TRABD2B: variants seen among roughly 807,000 people sequenced by gnomAD.
TRABD2B encodes metalloprotease TIKI2.
In TRABD2B, 14 loss-of-function variants were observed where a neutral mutation model predicts 40.1. That is an observed-to-expected ratio of 0.35 (90% CI 0.23 to 0.55). The LOEUF is 0.55. Ranked by LOEUF, TRABD2B falls within the 20% of genes least tolerant of loss-of-function variation. The pLI is 0.90. For synonymous variants in TRABD2B, 263 were observed against 277.0 expected, an observed-to-expected ratio of 0.95 and a Z score of 0.50; for missense variants, 541 against 648.6, an observed-to-expected ratio of 0.83 and a Z score of 1.80.
intron 2 of TRABD2B, among the ~76,000 whole-genome samples, chr1:47,823,351 G>C (rs774909858): frequency 6.6e-6 from 1 of 152,260 alleles, no homozygotes; most frequent in Non-Finnish European, 1.5e-5. Flanking sequence ...TCGTGCCTGG[G>C]TCACTGACTG....
intron 2 of TRABD2B, among the ~76,000 whole-genome samples, chr1:47,825,696 C>T (rs1363755903): frequency 6.6e-6 from 1 of 152,176 alleles, no homozygotes; most frequent in African/African-American, 2.4e-5. Context: ...AGAAGGCACC[C>T]ACCCTCCCAA....
intron 4 of TRABD2B, among the ~76,000 whole-genome samples, chr1:47,793,781 T>C (rs1644707586): frequency 1.3e-5 from 2 of 152,092 alleles, no homozygotes; most frequent in African/African-American, 2.4e-5. Context: ...GACAGCCATA[T>C]AGAAGGAAAC....
chr1:47,848,836 C>G (rs1019108117), intron 2 of TRABD2B, among the ~76,000 whole-genome samples: 3 of 152,136 alleles, frequency 2.0e-5, no homozygotes, highest in Non-Finnish European at 2.9e-5. Flanking sequence ...CCATGTGTCC[C>G]CAGGAGAAAA....
intron 6 of TRABD2B, among the ~76,000 whole-genome samples, chr1:47,773,644 C>A (rs572315021): frequency 6.6e-6 from 1 of 152,354 alleles, no homozygotes; most frequent in African/African-American, 2.4e-5. Flanking sequence ...CTCCTCCTTG[C>A]CTTCTTTCAT....
At chr1:47,817,886 C>A (rs1049748762) in intron 2 of TRABD2B, among the ~76,000 whole-genome samples, 12 of 152,346 alleles carry the variant, frequency 7.9e-5, no homozygotes, top group African/African-American at 2.9e-4. Context: ...AGGCTTCCAC[C>A]CCAGCTCCTC....
At chr1:47,981,167 C>T (rs1220094124) in intron 2 of TRABD2B, among the ~76,000 whole-genome samples, 1 of 152,154 alleles carries the variant, frequency 6.6e-6, no homozygotes, top group Non-Finnish European at 1.5e-5. Flanking sequence ...GCGTGCATCA[C>T]CAAGCCTGGC....
chr1:47,829,959 T>C (rs1645226975), intron 2 of TRABD2B, among the ~76,000 whole-genome samples: 2 of 152,166 alleles, frequency 1.3e-5, no homozygotes, highest in South Asian at 4.1e-4. Flanking sequence ...TTCTCTGGTC[T>C]CTGGGCCTTA....
At chr1:47,784,935 C>T (rs1185342677) in intron 4 of TRABD2B, among the ~76,000 whole-genome samples, 1 of 152,198 alleles carries the variant, frequency 6.6e-6, no homozygotes, top group East Asian at 1.9e-4. Context: ...CAGGCAAACA[C>T]TCACAGGACA....
At chr1:47,791,147 C>G (rs1049094959) in intron 4 of TRABD2B, among the ~76,000 whole-genome samples, 6 of 152,228 alleles carry the variant, frequency 3.9e-5, no homozygotes, top group Non-Finnish European at 7.3e-5. Context: ...TGGAGCTGGG[C>G]TGGGTCGGGG....
At chr1:47,797,087 C>G (rs1008242828) in intron 3 of TRABD2B, among the ~76,000 whole-genome samples, 4 of 152,210 alleles carry the variant, frequency 2.6e-5, no homozygotes, top group African/African-American at 9.6e-5. Context: ...GTCAGACAGC[C>G]AGGACAACTT....
intron 6 of TRABD2B, among the ~76,000 whole-genome samples, chr1:47,773,519 C>T (rs144039753): frequency 4.6e-5 from 7 of 152,312 alleles, no homozygotes; most frequent in East Asian, 3.9e-4. Flanking sequence ...GGCGGTTTCC[C>T]ACGTACTATT....
intron 2 of TRABD2B, among the ~76,000 whole-genome samples, chr1:47,927,663 G>T (rs1469239923): frequency 1.3e-5 from 2 of 152,226 alleles, no homozygotes; most frequent in Non-Finnish European, 2.9e-5. Flanking sequence ...CATCCATTAT[G>T]GGAGGTGCCT....
chr1:47,904,281 G>A (rs778027756), intron 2 of TRABD2B, among the ~76,000 whole-genome samples: 1 of 152,144 alleles, frequency 6.6e-6, no homozygotes, highest in Non-Finnish European at 1.5e-5. Context: ...GAAATAGCAT[G>A]ATCAATGGCT....
chr1:47,834,079 G>A (rs1396205203), intron 2 of TRABD2B, among the ~76,000 whole-genome samples: 1 of 152,210 alleles, frequency 6.6e-6, no homozygotes. Context: ...AAACTGGGTT[G>A]GAGCTCCTTC....
intron 2 of TRABD2B, among the ~76,000 whole-genome samples, chr1:47,902,044 T>A (rs916763477): frequency 6.6e-6 from 1 of 152,172 alleles, no homozygotes; most frequent in African/African-American, 2.4e-5. Context: ...CAACCTTCAA[T>A]TGGCCAGCAC....
intron 2 of TRABD2B, among the ~76,000 whole-genome samples, chr1:47,980,421 C>A (rs989106213): frequency 7.9e-5 from 12 of 152,160 alleles, no homozygotes; most frequent in African/African-American, 2.9e-4. Context: ...TTGGTAGCAT[C>A]CATAGGACCC....
chr1:47,977,309 A>G (rs1645770340), intron 2 of TRABD2B, among the ~76,000 whole-genome samples: 1 of 152,130 alleles, frequency 6.6e-6, no homozygotes, highest in South Asian at 2.1e-4. Context: ...CCTAGCCTCA[A>G]GTGATCCCCA....
chr1:47,916,399 A>T (rs1299453285), intron 2 of TRABD2B, among the ~76,000 whole-genome samples: 2 of 152,122 alleles, frequency 1.3e-5, no homozygotes, highest in Non-Finnish European at 1.5e-5. Context: ...CAGGTGGGGG[A>T]ACACTGAAGG....
At chr1:47,908,230 C>A (rs1308686621) in intron 2 of TRABD2B, among the ~76,000 whole-genome samples, 1 of 152,122 alleles carries the variant, frequency 6.6e-6, no homozygotes, top group Non-Finnish European at 1.5e-5. Flanking sequence ...TAGAGAGAGA[C>A]ACAGACTTGC....
Sources: gnomAD v4.1 joint callset for allele counts (sites outside exome capture counted in the v4.1 genomes callset) on GRCh38, gnomAD v4.1.1 for gene constraint, MANE v1.5 for transcripts, NCBI Gene and HGNC (gene_info 2026-07-23, HGNC 2026-07-21) for gene names.